The following ANKS1B variants were observed in gnomAD, a reference collection of about 807,000 sequenced individuals.
The protein encoded by ANKS1B is ankyrin repeat and sterile alpha motif domain containing 1B, also known as ankyrin repeat and sterile alpha motif domain-containing protein 1B.
Under a neutral mutation model 148.3 loss-of-function variants are expected in ANKS1B, and 36 were observed. The ratio of observed to expected loss-of-function variants is 0.24; its 90% confidence interval spans 0.19 to 0.32. The LOEUF is 0.32. Among genes scored for constraint, ANKS1B ranks in the 10% least tolerant of loss-of-function variants. The pLI is 1.00. For missense variants in ANKS1B, 1,157 were observed against 1,542.6 expected, an observed-to-expected ratio of 0.75 and a Z score of 4.19; for synonymous variants, 542 against 560.8, an observed-to-expected ratio of 0.97 and a Z score of 0.47.
At chr12:99,159,693 G>A (rs2076445277) in intron 14 of ANKS1B, among the ~76,000 whole-genome samples, 1 of 152,194 alleles carries the variant, frequency 6.6e-6, no homozygotes, top group African/African-American at 2.4e-5. Context: ...ATGAACATAT[G>A]AGCACAGATA....
chr12:98,797,482 T>C (rs1358512939), intron 22 of ANKS1B, among the ~76,000 whole-genome samples: 2 of 152,216 alleles, frequency 1.3e-5, no homozygotes, highest in Admixed American at 1.3e-4. Flanking sequence ...ATTATTTTTA[T>C]GAATAACAGG....
intron 10 of ANKS1B, among the ~76,000 whole-genome samples, chr12:99,483,095 C>T (rs1364462134): frequency 6.7e-6 from 1 of 148,492 alleles, no homozygotes; most frequent in Non-Finnish European, 1.5e-5. Flanking sequence ...GGGGGGAATG[C>T]TTTCAACTTT....
intron 11 of ANKS1B, among the ~76,000 whole-genome samples, chr12:99,431,070 G>A (rs7139293): frequency 0.01 from 1,594 of 152,240 alleles, 29 homozygotes; most frequent in African/African-American, 0.034. Flanking sequence ...ATTGAATTGA[G>A]TTCAATTAAT....
At chr12:99,870,538 T>C (rs2091377679) in intron 1 of ANKS1B, among the ~76,000 whole-genome samples, 2 of 152,188 alleles carry the variant, frequency 1.3e-5, no homozygotes, top group African/African-American at 4.8e-5. Context: ...TAATTTACAT[T>C]CCTACCAACA....
intron 14 of ANKS1B, among the ~76,000 whole-genome samples, chr12:99,156,431 T>A (rs1252198223): frequency 6.6e-6 from 1 of 152,208 alleles, no homozygotes; most frequent in Non-Finnish European, 1.5e-5. Flanking sequence ...CTACTCCCTG[T>A]CTCAAAACCC....
chr12:99,664,583 A>T (rs2098496414), intron 8 of ANKS1B, among the ~76,000 whole-genome samples: 1 of 152,128 alleles, frequency 6.6e-6, no homozygotes, highest in South Asian at 2.1e-4. Flanking sequence ...AGGGGAGAGT[A>T]AAGAAAGAAA....
At chr12:99,154,709 C>T in intron 14 of ANKS1B, 3 of 1,437,494 alleles carry the variant, frequency 2.1e-6, no homozygotes, top group Non-Finnish European at 2.7e-6. Context: ...ATCAAGCTGT[C>T]AGCTTGGGCT....
chr12:99,345,290 C>G (rs374938695), intron 12 of ANKS1B, among the ~76,000 whole-genome samples: 1 of 151,966 alleles, frequency 6.6e-6, no homozygotes, highest in Non-Finnish European at 1.5e-5. Flanking sequence ...CTTTGCAGCC[C>G]TCTCTATGAT....
At chr12:98,813,974 G>A (rs1184216341) in intron 19 of ANKS1B, among the ~76,000 whole-genome samples, 2 of 152,158 alleles carry the variant, frequency 1.3e-5, no homozygotes, top group South Asian at 2.1e-4. Context: ...TCTGCCTCCC[G>A]GGTTCAAGTG....
In ANKS1B at chr12:99,169,957, C is replaced by T. The variant is rs139464407; in HGVS notation, c.2420-15562G>A. On this transcript the variant is annotated intron_variant, in intron 14 of 26. Coordinates refer to ENST00000683438, the MANE Select transcript of ANKS1B (RefSeq NM_001352186.2). ...TTTTGCAGGAGTGAGAATGCTCATC[C>T]ATACACGTGCCAGCAAGTTTGTTTT... is the stretch of plus-strand genomic sequence containing the variant. Among the ~76,000 whole-genome samples the T allele has an allele frequency of 5.6e-3, 846 of 152,254 alleles. 7 individuals are homozygous for T. Among genetic ancestry groups the T allele is most frequent in the Non-Finnish European group, 8.1e-3 (549 of 68,018 alleles).
chr12:99,215,937 G>A (rs1283638919), intron 14 of ANKS1B, among the ~76,000 whole-genome samples: 6 of 152,174 alleles, frequency 3.9e-5, no homozygotes, highest in African/African-American at 1.2e-4. Context: ...AGGGGCCAGG[G>A]GTGGAATGAA....
intron 9 of ANKS1B, among the ~76,000 whole-genome samples, chr12:99,545,417 T>C (rs747044988): frequency 2.0e-5 from 3 of 152,102 alleles, no homozygotes; most frequent in African/African-American, 4.8e-5. Context: ...AAGCAAAACA[T>C]AGACAATATC....
intron 17 of ANKS1B, among the ~76,000 whole-genome samples, chr12:98,999,333 A>C (rs1357971403): frequency 6.6e-6 from 1 of 152,220 alleles, no homozygotes; most frequent in Non-Finnish European, 1.5e-5. Context: ...GTGGGCACAC[A>C]AACTGGCGTT....
intron 12 of ANKS1B, among the ~76,000 whole-genome samples, chr12:99,325,706 G>A (rs2152222005): frequency 6.6e-6 from 1 of 152,212 alleles, no homozygotes; most frequent in Non-Finnish European, 1.5e-5. Flanking sequence ...AGATTCTGAA[G>A]CATTTCTTCA....
At chr12:99,683,136 T>C (rs1293840221) in intron 8 of ANKS1B, among the ~76,000 whole-genome samples, 1 of 152,112 alleles carries the variant, frequency 6.6e-6, no homozygotes, top group African/African-American at 2.4e-5. Flanking sequence ...CCCCCATTAT[T>C]CAATTATCAC....
chr12:99,056,624 G>A (rs555334100), intron 16 of ANKS1B, among the ~76,000 whole-genome samples: 4 of 152,278 alleles, frequency 2.6e-5, no homozygotes, highest in East Asian at 3.9e-4. Flanking sequence ...GGCCGATTGA[G>A]ATTAGCCTAA....
intron 8 of ANKS1B, chr12:99,706,594 T>TC (rs2055812272): frequency 6.6e-6 from 1 of 152,048 alleles, no homozygotes; most frequent in African/African-American, 2.4e-5. Flanking sequence ...TGTAATCCCC[T>TC]CCCCTTGAGT....
At chr12:99,035,242 A>T (rs1053693790) in intron 17 of ANKS1B, among the ~76,000 whole-genome samples, 1 of 152,078 alleles carries the variant, frequency 6.6e-6, no homozygotes. Flanking sequence ...ATATTACTCT[A>T]ACTTTCCCTC....
chr12:99,936,729 G>A, intron 1 of ANKS1B, among the ~76,000 whole-genome samples: 1 of 152,076 alleles, frequency 6.6e-6, no homozygotes, highest in East Asian at 1.9e-4. Flanking sequence ...ACTCCACAAA[G>A]ACCTAGCCTC....
Sources: allele counts gnomAD v4.1 joint callset (sites outside exome capture counted in the v4.1 genomes callset), GRCh38; gene constraint gnomAD v4.1.1; transcripts MANE v1.5; gene names NCBI Gene and HGNC (gene_info 2026-07-23, HGNC 2026-07-21).